The following CTNNAL1 variants were observed in gnomAD, a reference collection of about 807,000 sequenced individuals.
The protein encoded by CTNNAL1 is alpha-catulin.
A neutral mutation model predicts 93.6 loss-of-function variants in CTNNAL1; 69 were observed. The observed-to-expected ratio is 0.74, with a 90% confidence interval of 0.61 to 0.90. CTNNAL1 has a LOEUF of 0.90. CTNNAL1 is among the 40% of genes least tolerant of loss of function. The pLI is 0.00. For missense variants in CTNNAL1, 836 were observed against 862.0 expected (o/e 0.97, Z 0.38); for synonymous variants, 286 against 305.4 (o/e 0.94, Z 0.66).
intron 15 of CTNNAL1, among the ~76,000 whole-genome samples, chr9:108,945,973 ACT>A (rs1830392590): frequency 6.6e-6 from 1 of 151,662 alleles, no homozygotes; most frequent in Admixed American, 6.6e-5. Context: ...ACTACCACTC[ACT>A]CTGTTGGCCA....
At position 108,952,557 on chromosome 9, in the gene CTNNAL1, A is replaced by C; in HGVS notation, c.1630-63T>G. 3.8e-6 allele frequency: 6 copies of C among 1,587,966 alleles called. No homozygotes were observed. The South Asian group carries it at 4.5e-5, about 12-fold the overall frequency. On this transcript the variant is annotated intron_variant, in intron 12 of 18. Coordinates refer to ENST00000325551, the MANE Select transcript of CTNNAL1 (RefSeq NM_003798.4). ...AGTACATTAAACTGTAAGGAAATACAATAGTAATACAAAGCATAACAAAGT... is the reference window on the plus strand; with the variant it reads ...AGTACATTAAACTGTAAGGAAATACCATAGTAATACAAAGCATAACAAAGT...
rs1419257173 is a variant in CTNNAL1 at position 108,970,542 on chromosome 9, A to T, written c.1348-48T>A. On this transcript the variant is annotated intron_variant, in intron 9 of 18. Coordinates refer to ENST00000325551, the MANE Select transcript of CTNNAL1 (RefSeq NM_003798.4). ...TTTAACTTTCACATCCTCATCCTCC[A>T]CAATACATAGTATCATTTTATAATT... The T allele has an allele frequency of 2.7e-6, 4 of 1,495,784 alleles. No individual in the cohort carries two copies. In the South Asian group the frequency reaches 5.4e-5, roughly 20 times the overall value. The allele number at this position is 1,495,784 out of a possible 1,614,324, so 92.7% of individuals were successfully genotyped here. A position where few individuals can be genotyped will look rare whatever the true frequency, so the allele number is the denominator to read the frequency against.
intron 6 of CTNNAL1, among the ~76,000 whole-genome samples, chr9:108,981,375 C>G (rs768866254): frequency 6.6e-6 from 1 of 151,676 alleles, no homozygotes; most frequent in Non-Finnish European, 1.5e-5. Context: ...ATAAACAAAC[C>G]CAGAGGTGTA....
chr9:108,964,877 T>TATTTA (rs74457447), intron 11 of CTNNAL1, among the ~76,000 whole-genome samples: 3 of 151,452 alleles, frequency 2.0e-5, no homozygotes, highest in African/African-American at 4.8e-5. Context: ...TTTATTTATT[T>TATTTA]TTTGAGACAG....
At chr9:109,011,016 TTGCTTAAAA>T (rs1169475204) in intron 1 of CTNNAL1, among the ~76,000 whole-genome samples, 1 of 152,232 alleles carries the variant, frequency 6.6e-6, no homozygotes, top group African/African-American at 2.4e-5. Flanking sequence ...CAATAAATCC[TTGCTTAAAA>T]TGCTTAAAAT....
In CTNNAL1 at chr9:108,979,382, C is replaced by T. The variant is rs1354514791; in HGVS notation, c.1000G>A (p.Asp334Asn). The change falls in exon 7 of 19, where the codon GAT becomes AAT. Residue 334 changes from aspartate (D) to asparagine (N), a missense_variant. Physicochemically the swap from Asp to Asn is conservative, Grantham distance 23. Coordinates refer to ENST00000325551, the MANE Select transcript of CTNNAL1 (RefSeq NM_003798.4). ...TGCTCATGGCTGGTGTAGGCAGAAT[C>T]AGTAAAGTCCTCCATACGCTCCAAG... Reference protein sequence around the residue: ...VILERMEDFTDSAYTSHEHRE... With the variant: ...VILERMEDFTNSAYTSHEHRE... 6.2e-7 allele frequency: 1 copy of T among 1,614,170 alleles called. No individual in the cohort carries two copies.
At chr9:108,992,281 A>T (rs1168222652) in intron 3 of CTNNAL1, among the ~76,000 whole-genome samples, 1 of 152,222 alleles carries the variant, frequency 6.6e-6, no homozygotes, top group Non-Finnish European at 1.5e-5. Context: ...ATCATTTAAG[A>T]ATTGCACATA....
intron 8 of CTNNAL1, 31 bp from the exon 9 acceptor site, chr9:108,972,864 G>GGGGGGGGGGGGGGGCGCCCCCCCC: frequency 1.4e-5 from 2 of 142,588 alleles, no homozygotes; most frequent in Non-Finnish European, 1.0e-5. Flanking sequence ...GGGGGGGTGG[G>GGGGGGGGGGGGGGGCGCCCCCCCC]AGGGTGGAGA....
At chr9:109,013,057 C>G (rs1006715492) in intron 1 of CTNNAL1, among the ~76,000 whole-genome samples, 1 of 152,182 alleles carries the variant, frequency 6.6e-6, no homozygotes, top group Non-Finnish European at 1.5e-5. Flanking sequence ...CCGGCACCCC[C>G]GCCCCGCAGC....
At chr9:108,962,108 A>G (rs1259110729) in intron 11 of CTNNAL1, among the ~76,000 whole-genome samples, 1 of 152,188 alleles carries the variant, frequency 6.6e-6, no homozygotes, top group African/African-American at 2.4e-5. Context: ...CCCAGCTCCT[A>G]TAGTTTACTC....
intron 2 of CTNNAL1, among the ~76,000 whole-genome samples, chr9:108,998,234 G>C (rs565351477): frequency 6.6e-6 from 1 of 152,260 alleles, no homozygotes; most frequent in African/African-American, 2.4e-5. Context: ...CATCTAGTAG[G>C]TAGAAGCTAG....
In CTNNAL1 at chr9:108,990,954, C is replaced by T. The variant is rs895685788; in HGVS notation, c.520-109G>A. ...GAAAATTCTGAATTCTAGGTGAAAG[C>T]TGAGGAGGAGGAGCCAGATAGAAGA... is the stretch of plus-strand genomic sequence containing the variant. On this transcript the variant is annotated intron_variant, in intron 3 of 18. Coordinates refer to ENST00000325551, the MANE Select transcript of CTNNAL1 (RefSeq NM_003798.4). 4 of 1,322,940 alleles carry T rather than the reference C, an allele frequency of 3.0e-6. No individual in the cohort carries two copies. The African/African-American group carries it at 5.9e-5, about 20-fold the overall frequency. 82.0% of individuals were successfully genotyped at this position (1,322,940 alleles called of 1,614,324 possible).
chr9:108,972,864 G>GGCGCCCCCC, intron 8 of CTNNAL1, 31 bp from the exon 9 acceptor site: 5 of 142,568 alleles, frequency 3.5e-5, no homozygotes, highest in Non-Finnish European at 4.0e-5. Context: ...GGGGGGGTGG[G>GGCGCCCCCC]AGGGTGGAGA....
At chr9:108,957,596 G>A (rs1440860219) in intron 11 of CTNNAL1, among the ~76,000 whole-genome samples, 1 of 152,150 alleles carries the variant, frequency 6.6e-6, no homozygotes, top group Non-Finnish European at 1.5e-5. Flanking sequence ...ATGGCTTTCT[G>A]ATTTCAGAAT....
intron 14 of CTNNAL1, among the ~76,000 whole-genome samples, chr9:108,951,896 T>C (rs1368321386): frequency 6.6e-6 from 1 of 152,184 alleles, no homozygotes; most frequent in African/African-American, 2.4e-5. Context: ...ACATGTTTTC[T>C]TAACGTACTG....
chr9:109,013,464 C>G lies in CTNNAL1; in HGVS notation c.-22G>C. ...CCATGGCCCTCGGTCTATCCCGCAG[C>G]CGGGACTCCGCGCCGCGGCGAGCCT... On this transcript the variant is annotated 5_prime_UTR_variant, in exon 1 of 19. Coordinates refer to ENST00000325551, the MANE Select transcript of CTNNAL1 (RefSeq NM_003798.4). 1 of 1,360,316 alleles carries G rather than the reference C, an allele frequency of 7.4e-7. No homozygotes were observed. Among genetic ancestry groups the G allele is most frequent in the African/African-American group, 1.5e-5 (1 of 65,164 alleles). 84.3% of individuals were successfully genotyped at this position (1,360,316 alleles called of 1,614,324 possible).
intron 11 of CTNNAL1, among the ~76,000 whole-genome samples, chr9:108,961,389 G>T (rs1830818027): frequency 6.6e-6 from 1 of 152,130 alleles, no homozygotes; most frequent in Non-Finnish European, 1.5e-5. Flanking sequence ...TGAGGTTCAT[G>T]ATAAAAATCA....
At chr9:108,951,155 C>T (rs942835589) in intron 14 of CTNNAL1, among the ~76,000 whole-genome samples, 1 of 151,700 alleles carries the variant, frequency 6.6e-6, no homozygotes, top group Non-Finnish European at 1.5e-5. Flanking sequence ...GGATTACAGG[C>T]GCCCGCCACC....
At chr9:108,972,953 T>C (rs1831160679) in intron 8 of CTNNAL1, 120 bp from the exon 9 acceptor site, 1 of 1,229,752 alleles carries the variant, frequency 8.1e-7, no homozygotes, top group African/African-American at 1.5e-5. Flanking sequence ...TAAAAACTAT[T>C]AATAAAGAGA....
Sources: allele counts gnomAD v4.1 joint callset (sites outside exome capture counted in the v4.1 genomes callset), GRCh38; gene constraint gnomAD v4.1.1; transcripts MANE v1.5; gene names NCBI Gene and HGNC (gene_info 2026-07-23, HGNC 2026-07-21).